The following PCYOX1L variants were observed in gnomAD, a reference collection of about 807,000 sequenced individuals.
PCYOX1L encodes prenylcysteine oxidase 1-like.
PCYOX1L carries 40 observed loss-of-function variants against 44.1 expected under a neutral mutation model. The ratio of observed to expected loss-of-function variants is 0.91; its 90% CI spans 0.70 to 1.18. The LOEUF (loss-of-function observed/expected upper bound fraction) is 1.18. PCYOX1L is among the 50% of genes most tolerant of loss of function. The pLI, the probability that PCYOX1L is intolerant of heterozygous loss-of-function variation, is 0.00. For synonymous variants in PCYOX1L, 266 were observed against 282.8 expected (o/e 0.94, Z 0.60); for missense variants, 605 against 653.3 (o/e 0.93, Z 0.81).
intron 1 of PCYOX1L, among the ~76,000 whole-genome samples, chr5:149,361,449 A>T (rs1216628830): frequency 6.6e-6 from 1 of 152,224 alleles, no homozygotes; most frequent in East Asian, 1.9e-4. Flanking sequence ...AAACATTCTT[A>T]TCAGTGACTT....
In PCYOX1L at chr5:149,367,978, C is replaced by T. The variant is rs372328648; in HGVS notation, c.824-15C>T. ...AGCCAAGGGAAAGTTGACTTTTGTG[C>T]TCTTTTCTTTCCAGAGGGGAAAGCC... On this transcript the variant is annotated splice_polypyrimidine_tract_variant and intron_variant, in intron 5 of 5. Transcript: ENST00000274569. The T allele has an allele frequency of 2.6e-6, 4 of 1,521,160 alleles. No individual in the cohort carries two copies. The highest frequency in any genetic ancestry group is 3.5e-6 in the Non-Finnish European group (4 of 1,136,758). The allele number at this position is 1,521,160 out of a possible 1,614,324, so 94.2% of individuals were successfully genotyped here.
chr5:149,366,672 T>A (rs955096117), intron 4 of PCYOX1L, among the ~76,000 whole-genome samples: 1 of 152,210 alleles, frequency 6.6e-6, no homozygotes, highest in African/African-American at 2.4e-5. Flanking sequence ...GCCTAAGTCA[T>A]ACTAGGCACT....
intron 1 of PCYOX1L, among the ~76,000 whole-genome samples, chr5:149,358,462 G>A (rs1190839133): frequency 1.3e-5 from 2 of 152,230 alleles, no homozygotes; most frequent in Non-Finnish European, 2.9e-5. Context: ...CTAGGCGCCC[G>A]GGTGACAGAG....
At chr5:149,358,209 G>C in intron 1 of PCYOX1L, 53 bp downstream of exon 1, 1 of 1,384,294 alleles carries the variant, frequency 7.2e-7, no homozygotes, top group Non-Finnish European at 9.4e-7. Context: ...GCGGGTAAAG[G>C]GTTCTCAGTT....
chr5:149,367,794 A>G (rs548834574), intron 5 of PCYOX1L, among the ~76,000 whole-genome samples, 199 bp from the exon 6 acceptor site: 1 of 152,330 alleles, frequency 6.6e-6, no homozygotes, highest in African/African-American at 2.4e-5. Flanking sequence ...GAAGCAGAGC[A>G]GAAACTGAGT....
chr5:149,361,816 CAG>C (rs908838536), intron 1 of PCYOX1L, among the ~76,000 whole-genome samples: 1 of 152,198 alleles, frequency 6.6e-6, no homozygotes, highest in African/African-American at 2.4e-5. Flanking sequence ...TTAGTAGAGA[CAG>C]GGTTTCACCA....
rs1758181803 is a variant in PCYOX1L at position 149,365,961 on chromosome 5, C to T, written c.490C>T (p.His164Tyr). 4 of 1,614,238 alleles carry T rather than the reference C, an allele frequency of 2.5e-6. No individual in the cohort carries two copies. Among genetic ancestry groups the T allele is most frequent in the Non-Finnish European group, 3.4e-6 (4 of 1,180,042 alleles). The change falls in exon 4 of 6, where the codon CAC (histidine) becomes TAC (tyrosine). Residue 164 changes from histidine to tyrosine, a missense_variant. Coordinates refer to ENST00000274569, the MANE Select transcript of PCYOX1L (RefSeq NM_024028.4). ...TTCTAGGATCTATAAGTACCAGGCC[C>T]ACGGCTATGCCTTCTCGGGTGTGGA... ...KFMRIYKYQA[H>Y]GYAFSGVEEL... is the part of the protein sequence containing the mutation.
rs762205236 is a variant in PCYOX1L at position 149,364,020 on chromosome 5, C to T, written c.296-16C>T. On this transcript the variant is annotated splice_polypyrimidine_tract_variant and intron_variant, in intron 2 of 5. Coordinates refer to ENST00000274569, the MANE Select transcript of PCYOX1L (RefSeq NM_024028.4). ...GTCTTGGAGGGGACCTGAGGGGCTCCTCTTTGTCTCTGCAGGGCTGAGGCA... is the reference window on the plus strand; with the variant it reads ...GTCTTGGAGGGGACCTGAGGGGCTCTTCTTTGTCTCTGCAGGGCTGAGGCA... 1.9e-6 allele frequency: 3 copies of T among 1,613,170 alleles called. No homozygotes were observed. Among genetic ancestry groups the T allele is most frequent in the South Asian group, 2.2e-5 (2 of 91,032 alleles).
intron 1 of PCYOX1L, 184 bp from the exon 2 acceptor site, chr5:149,362,453 T>A: frequency 1.6e-6 from 1 of 619,804 alleles, no homozygotes; most frequent in Non-Finnish European, 2.8e-6. Flanking sequence ...TTTTCAGGTT[T>A]GCCTTTGCTT....
chr5:149,366,187 C>G lies in PCYOX1L; in HGVS notation c.682+34C>G, dbSNP rs1254136701. The G allele has an allele frequency of 1.9e-6, 3 of 1,596,060 alleles. No individual in the cohort carries two copies. In the African/African-American group the frequency reaches 4.0e-5, roughly 21 times the overall value. ...CCAACCCTTGGCCTGCCCACCTGCC[C>G]CTCCTCCACCCAAGGTGCTCAGAAT... On this transcript the variant is annotated intron_variant, in intron 4 of 5. Transcript: ENST00000274569.
intron 1 of PCYOX1L, among the ~76,000 whole-genome samples, chr5:149,360,453 G>T (rs1458635357): frequency 1.3e-5 from 2 of 152,204 alleles, no homozygotes; most frequent in African/African-American, 2.4e-5. Context: ...AAGTGGCTTT[G>T]TAAGTACTGT....
chr5:149,368,932 G>GTT lies in PCYOX1L; in HGVS notation c.*279_*280insTT. The stretch of plus-strand genomic sequence containing the variant: ...GAAGAAAAAAGTTCATCTTCACAAG[G>GTT]TGCTTCAGACTTGGTTTCTTAGCTA... On this transcript the variant is annotated 3_prime_UTR_variant, in exon 6 of 6. Transcript: ENST00000274569. 3.6e-6 allele frequency: 1 copy of GTT among 279,808 alleles called. No homozygotes were observed. Among genetic ancestry groups the GTT allele is most frequent in the African/African-American group, 2.2e-5 (1 of 45,900 alleles). The allele number at this position is 279,808 out of a possible 1,614,324, so 17.3% of individuals were successfully genotyped here.
At chr5:149,364,595 C>T (rs557761296) in intron 3 of PCYOX1L, 5 of 185,812 alleles carry the variant, frequency 2.7e-5, no homozygotes, top group Admixed American at 1.1e-4. Context: ...TGCAGCCAGC[C>T]GTGTACAATG....
chr5:149,368,397 C>A lies in PCYOX1L; in HGVS notation c.1228C>A (p.Leu410Met). Residue 410 changes from leucine (L) to methionine (M), a missense_variant, in exon 6 of 6, where the codon CTG becomes ATG. Physicochemically the swap from Leu to Met is conservative, Grantham distance 15. Transcript: ENST00000274569. ...CCTCTTTCGGACCCAGCTAAAGACCCTGTTCCGTTCCTATTACTCAGTGCA... is the reference window on the plus strand; with the variant it reads ...CCTCTTTCGGACCCAGCTAAAGACCATGTTCCGTTCCTATTACTCAGTGCA... ...KPLFRTQLKT[L>M]FRSYYSVQTA... 1 of 1,614,230 alleles carries A rather than the reference C, an allele frequency of 6.2e-7. No individual in the cohort carries two copies. The highest frequency in any genetic ancestry group is 8.5e-7 in the Non-Finnish European group (1 of 1,180,038).
chr5:149,358,065 C>T lies in PCYOX1L; in HGVS notation c.-4C>T, dbSNP rs945072474. ...TCCGGCGTGCTGCCCGCTCGCCGCC[C>T]GCCATGGCCCGCGCAGCCCCGCTGC... On this transcript the variant is annotated 5_prime_UTR_variant, in exon 1 of 6. Coordinates refer to ENST00000274569, the MANE Select transcript of PCYOX1L (RefSeq NM_024028.4). 17 of 1,347,018 alleles carry T rather than the reference C, an allele frequency of 1.3e-5. No individual in the cohort carries two copies. The highest frequency in any genetic ancestry group is 3.8e-5 in the Admixed American group (1 of 26,402). 83.4% of individuals were successfully genotyped at this position (1,347,018 alleles called of 1,614,324 possible).
chr5:149,368,203 A>T lies in PCYOX1L; in HGVS notation c.1034A>T (p.Tyr345Phe), dbSNP rs770209945. 1.3e-5 allele frequency: 21 copies of T among 1,613,836 alleles called. No homozygotes were observed. The highest frequency in any genetic ancestry group is 1.7e-5 in the Non-Finnish European group (20 of 1,180,004). ...SLVHGYLNSS[Y>F]FGFPDPKLFP... ...GTCCACGGCTACCTCAACTCGTCCTACTTCGGTTTCCCAGACCCTAAGCTT... is the reference window on the plus strand; with the variant it reads ...GTCCACGGCTACCTCAACTCGTCCTTCTTCGGTTTCCCAGACCCTAAGCTT... The change falls in exon 6 of 6, where the codon TAC becomes TTC. Residue 345 changes from tyrosine (Y) to phenylalanine (F), a missense_variant. Physicochemically the swap from Tyr to Phe is conservative, Grantham distance 22 (BLOSUM62 3). Transcript: ENST00000274569.
Position 149,358,072 on chromosome 5 carries a change from G to A in PCYOX1L, c.4G>A (p.Ala2Thr). Residue 2 changes from alanine to threonine, a missense_variant, in exon 1 of 6, where the codon GCC becomes ACC. Ala to Thr is a moderately conservative substitution (Grantham distance 58). Coordinates refer to ENST00000274569, the MANE Select transcript of PCYOX1L (RefSeq NM_024028.4). ...TGCTGCCCGCTCGCCGCCCGCCATG[G>A]CCCGCGCAGCCCCGCTGCTCGCCGC... MARAAPLLAALT... is the reference protein window; with the variant it reads MTRAAPLLAALT... 7.2e-7 allele frequency: 1 copy of A among 1,383,760 alleles called. No individual in the cohort carries two copies. Among genetic ancestry groups the A allele is most frequent in the Non-Finnish European group, 9.3e-7 (1 of 1,071,620 alleles). The allele number at this position is 1,383,760 out of a possible 1,614,324, so 85.7% of individuals were successfully genotyped here. A position where few individuals can be genotyped will look rare whatever the true frequency, so the allele number is the denominator to read the frequency against.
At chr5:149,362,425 AAGTATAGT>A (rs1188405116) in intron 1 of PCYOX1L, 1 of 559,090 alleles carries the variant, frequency 1.8e-6, no homozygotes, top group African/African-American at 1.9e-5. Context: ...TATGAAACGA[AAGTATAGT>A]AGGCAGCAGT....
rs927203139 is a variant in PCYOX1L at position 149,368,665 on chromosome 5, G to A, written c.*11G>A. The A allele has an allele frequency of 1.3e-6, 2 of 1,501,316 alleles. No homozygotes were observed. The highest frequency in any genetic ancestry group is 2.8e-5 in the African/African-American group (2 of 71,616). 93.0% of individuals were successfully genotyped at this position (1,501,316 alleles called of 1,614,324 possible). ...AAGACTGAACTGTGAGGGCTCTAGGGAGAGCCTGGGAACTTTCATCCCCCA... is the reference window on the plus strand; with the variant it reads ...AAGACTGAACTGTGAGGGCTCTAGGAAGAGCCTGGGAACTTTCATCCCCCA... On this transcript the variant is annotated 3_prime_UTR_variant, in exon 6 of 6. Coordinates refer to ENST00000274569, the MANE Select transcript of PCYOX1L (RefSeq NM_024028.4).
Sources: gnomAD v4.1 joint callset for allele counts (sites outside exome capture counted in the v4.1 genomes callset) on GRCh38, gnomAD v4.1.1 for gene constraint, MANE v1.5 for transcripts, NCBI Gene and HGNC (gene_info 2026-07-23, HGNC 2026-07-21) for gene names.